Variants in ENC1 observed in about 807,000 individuals in gnomAD.
ENC1 encodes the protein ectodermal-neural cortex 1, also known as ectoderm-neural cortex protein 1.
In ENC1, 19 loss-of-function variants were observed where a neutral mutation model predicts 40.9. The observed-to-expected ratio is 0.46, with a 90% CI of 0.32 to 0.68. ENC1 has a LOEUF of 0.68. Among genes scored for constraint, ENC1 ranks in the 30% least tolerant of loss-of-function variants. The probability of loss-of-function intolerance (pLI) is 0.03; values close to 1 mark genes in which losing one functional copy is unlikely to be tolerated. For missense variants in ENC1, 479 were observed against 737.5 expected, an observed-to-expected ratio of 0.65 and a Z score of 4.06; for synonymous variants, 285 against 291.1, an observed-to-expected ratio of 0.98 and a Z score of 0.21.
Position 74,629,475 on chromosome 5 carries a change from G to A in ENC1, c.*550C>T, listed in dbSNP as rs1298153521. 1 of 152,182 alleles carries A rather than the reference G, an allele frequency of 6.6e-6. No individual in the cohort carries two copies. The highest frequency in any genetic ancestry group is 1.5e-5 in the Non-Finnish European group (1 of 68,044). 9.4% of individuals were successfully genotyped at this position (152,182 alleles called of 1,614,324 possible). ...TCCCCATTGTTCAGAAACGTTCCTG[G>A]GGAGCAGACCCCTTAGAGATTAACG... On this transcript the variant is annotated 3_prime_UTR_variant, in exon 3 of 3. Transcript: ENST00000302351.
chr5:74,634,375 G>A (rs1319781723), intron 2 of ENC1, among the ~76,000 whole-genome samples: 1 of 152,074 alleles, frequency 6.6e-6, no homozygotes, highest in Non-Finnish European at 1.5e-5. Flanking sequence ...TCATGCCACT[G>A]CACTCTAGCC....
chr5:74,628,320 A>G lies in ENC1; in HGVS notation c.*1705T>C, dbSNP rs572367653. On this transcript the variant is annotated 3_prime_UTR_variant, in exon 3 of 3. Transcript: ENST00000302351. ...ATTAGACAATGCAAACACAGTCACAATGTAAAAGGTTGTTATCAGTCTTAA... is the reference window on the plus strand; with the variant it reads ...ATTAGACAATGCAAACACAGTCACAGTGTAAAAGGTTGTTATCAGTCTTAA... The G allele has an allele frequency of 2.6e-5, 4 of 152,772 alleles. No individual in the cohort carries two copies. Among genetic ancestry groups the G allele is most frequent in the African/African-American group, 9.6e-5 (4 of 41,572 alleles). The allele number at this position is 152,772 out of a possible 1,614,324, so 9.5% of individuals were successfully genotyped here.
chr5:74,634,503 T>A (rs545980533), intron 2 of ENC1, among the ~76,000 whole-genome samples, 181 bp downstream of exon 2: 1 of 152,194 alleles, frequency 6.6e-6, no homozygotes, highest in Non-Finnish European at 1.5e-5. Flanking sequence ...AATGCCATGG[T>A]GGGGGCTGAG....
chr5:74,638,665 T>C (rs1239196705), intron 1 of ENC1, among the ~76,000 whole-genome samples: 2 of 152,224 alleles, frequency 1.3e-5, no homozygotes, highest in Non-Finnish European at 2.9e-5. Context: ...AAACATTCAT[T>C]AGCATTCTCA....
rs1437475795 is a variant in ENC1 at position 74,635,863 on chromosome 5, C to T, written c.623G>A (p.Arg208Lys). ...GTTAATTGCAGACTCGTACACAAGC[C>T]TTTCATCCTCTGTCTCCAGCTCTTC... is the stretch of plus-strand genomic sequence containing the variant. ...SSEELETEDE[R>K]LVYESAINWI... Residue 208 changes from arginine to lysine, a missense_variant, in exon 2 of 3, where the codon AGG (arginine) becomes AAG (lysine). Arg to Lys is a conservative substitution (Grantham distance 26). Coordinates refer to ENST00000302351, the MANE Select transcript of ENC1 (RefSeq NM_003633.4). The surrounding 1 kb of genome is among the most constrained non-coding windows in gnomAD (Gnocchi z 5.5). The T allele has an allele frequency of 1.2e-6, 2 of 1,614,024 alleles. No homozygotes were observed. The highest frequency in any genetic ancestry group is 8.5e-7 in the Non-Finnish European group (1 of 1,180,034).
rs774597799 is a variant in ENC1 at position 74,636,296 on chromosome 5, G to T, written c.190C>A (p.Leu64Met). The change falls in exon 2 of 3, where the codon CTG becomes ATG. Residue 64 changes from leucine (L) to methionine (M), a missense_variant. Physicochemically the swap from Leu to Met is conservative, Grantham distance 15. Transcript: ENST00000302351. The surrounding 1 kb of genome is among the most constrained non-coding windows in gnomAD (Gnocchi z 4.8). ...NRTFPCHRAV[L>M]AACSRYFEAM... is the part of the protein sequence containing the mutation. ...TCAAAGTAGCGACTGCATGCAGCCAGCACTGCCCGGTGGCAAGGGAAGGTC... is the reference window on the plus strand; with the variant it reads ...TCAAAGTAGCGACTGCATGCAGCCATCACTGCCCGGTGGCAAGGGAAGGTC... The T allele has an allele frequency of 6.2e-7, 1 of 1,614,088 alleles. No homozygotes were observed. The highest frequency in any genetic ancestry group is 1.3e-5 in the African/African-American group (1 of 74,916).
chr5:74,637,152 G>A (rs1272454286), intron 1 of ENC1, among the ~76,000 whole-genome samples: 1 of 152,174 alleles, frequency 6.6e-6, no homozygotes, highest in African/African-American at 2.4e-5. Context: ...GTCTCGCTCT[G>A]TCACCCTGGC....
intron 1 of ENC1, among the ~76,000 whole-genome samples, chr5:74,639,766 A>G (rs1013110975): frequency 6.6e-6 from 1 of 152,254 alleles, no homozygotes; most frequent in African/African-American, 2.4e-5. Context: ...CTTTGTAACT[A>G]ATAATGTTAA....
At chr5:74,630,680 A>G (rs942092930) in intron 2 of ENC1, among the ~76,000 whole-genome samples, 1 of 152,234 alleles carries the variant, frequency 6.6e-6, no homozygotes, top group African/African-American at 2.4e-5. Context: ...GAATCTACGT[A>G]CATCAAGTGT....
In ENC1 at chr5:74,636,612, C is replaced by T. The variant is rs1747605532; in HGVS notation, c.-13-114G>A. 1.6e-6 allele frequency: 1 copy of T among 643,594 alleles called. No homozygotes were observed. The highest frequency in any genetic ancestry group is 1.8e-5 in the African/African-American group (1 of 54,752). 39.9% of individuals were successfully genotyped at this position (643,594 alleles called of 1,614,324 possible). A position where few individuals can be genotyped will look rare whatever the true frequency, so the allele number is the denominator to read the frequency against. On this transcript the variant is annotated intron_variant, in intron 1 of 2. Coordinates refer to ENST00000302351, the MANE Select transcript of ENC1 (RefSeq NM_003633.4). The surrounding 1 kb of genome is among the most constrained non-coding windows in gnomAD (Gnocchi z 4.8). ...CAGAACACTTTGTTGTTGACCATGCCACCTACTATTCTAGAATAGTGTATG... is the reference window on the plus strand; with the variant it reads ...CAGAACACTTTGTTGTTGACCATGCTACCTACTATTCTAGAATAGTGTATG...
chr5:74,632,466 T>C (rs1304198299), intron 2 of ENC1, among the ~76,000 whole-genome samples: 2 of 152,214 alleles, frequency 1.3e-5, no homozygotes, highest in Non-Finnish European at 2.9e-5. Flanking sequence ...TTCCTGCTGC[T>C]TTGAAGGAGT....
rs936192170 is a variant in ENC1, at chr5:74,629,570, G to C, written c.*455C>G. ...CCTCTCGGACCCACAGTTGGGCTTT[G>C]AATCTCCAGCAGCAGCTGGTGTGGA... On this transcript the variant is annotated 3_prime_UTR_variant, in exon 3 of 3. Transcript: ENST00000302351. 6.6e-6 allele frequency: 1 copy of C among 152,290 alleles called. No individual in the cohort carries two copies. 9.4% of individuals were successfully genotyped at this position (152,290 alleles called of 1,614,324 possible). A position where few individuals can be genotyped will look rare whatever the true frequency, so the allele number is the denominator to read the frequency against.
rs1561189457 is a variant in ENC1, at chr5:74,629,192, C to G, written c.*833G>C. ...AAAATCCACCCCTCCCCAACCCACC[C>G]TCCAGTTATGCTCCAAATTGTAACT... On this transcript the variant is annotated 3_prime_UTR_variant, in exon 3 of 3. Coordinates refer to ENST00000302351, the MANE Select transcript of ENC1 (RefSeq NM_003633.4). 1 of 152,152 alleles carries G rather than the reference C, an allele frequency of 6.6e-6. No individual in the cohort carries two copies. 9.4% of individuals were successfully genotyped at this position (152,152 alleles called of 1,614,324 possible).
rs1747576151 is a variant in ENC1 at position 74,636,014 on chromosome 5, C to T, written c.472G>A (p.Ala158Thr). ...NCLGMLLLSD[A>T]HQCTKLYELS... The stretch of plus-strand genomic sequence containing the variant: ...TCGTACAGCTTGGTGCACTGGTGTG[C>T]ATCAGACAGCAGCAGCATGCCCAGG... Residue 158 changes from alanine (A) to threonine (T), a missense_variant, in exon 2 of 3, where the codon GCA (alanine) becomes ACA (threonine). By Grantham distance (58) the Ala-to-Thr change is moderately conservative. Transcript: ENST00000302351. This position sits in a 1 kb window ranked among gnomAD's most constrained non-coding sequence, Gnocchi z 4.8. 1 of 1,614,034 alleles carries T rather than the reference C, an allele frequency of 6.2e-7. No individual in the cohort carries two copies.
Position 74,636,408 on chromosome 5 carries a change from G to GGACTT in ENC1, c.73_77dup (p.Tyr28ProfsTer11). On this transcript the variant is annotated frameshift_variant, in exon 2 of 3. Coordinates refer to ENST00000302351, the MANE Select transcript of ENC1 (RefSeq NM_003633.4). LOFTEE classifies it high-confidence loss of function. This position sits in a 1 kb window ranked among gnomAD's most constrained non-coding sequence, Gnocchi z 4.8. ...GAGTGAGGACGCTGTCAGCGTAGGA[G>GGACTT]GACTTGTGAAACAGATAGATGTTAA... The GGACTT allele has an allele frequency of 6.2e-7, 1 of 1,614,102 alleles. No individual in the cohort carries two copies. Among genetic ancestry groups the GGACTT allele is most frequent in the South Asian group, 1.1e-5 (1 of 91,074 alleles).
intron 2 of ENC1, chr5:74,632,120 T>G (rs572809903): frequency 6.6e-6 from 1 of 152,346 alleles, no homozygotes; most frequent in African/African-American, 2.4e-5. Context: ...TCTTTCTGCC[T>G]CAATTTCCTT....
At position 74,627,687 on chromosome 5, in the gene ENC1, G is replaced by A. The variant is rs1205420683; in HGVS notation, c.*2338C>T. 2 of 152,602 alleles carry A rather than the reference G, an allele frequency of 1.3e-5. No individual in the cohort carries two copies. Among genetic ancestry groups the A allele is most frequent in the Non-Finnish European group, 2.9e-5 (2 of 68,032 alleles). 9.5% of individuals were successfully genotyped at this position (152,602 alleles called of 1,614,324 possible). A position where few individuals can be genotyped will look rare whatever the true frequency, so the allele number is the denominator to read the frequency against. ...TACCAGAAGTGGAGGGCTGCCCTTT[G>A]TTATGTGTTTCTACAGCAACCAGCC... On this transcript the variant is annotated 3_prime_UTR_variant, in exon 3 of 3. Coordinates refer to ENST00000302351, the MANE Select transcript of ENC1 (RefSeq NM_003633.4).
In ENC1 at chr5:74,636,922, T is replaced by C. The variant is rs566246948; in HGVS notation, c.-13-424A>G. On this transcript the variant is annotated intron_variant, in intron 1 of 2. Coordinates refer to ENST00000302351, the MANE Select transcript of ENC1 (RefSeq NM_003633.4). The surrounding 1 kb of genome is among the most constrained non-coding windows in gnomAD (Gnocchi z 4.8). ...TAAAATGCCAGGTCTCCTGCTCTTA[T>C]AATGCCAGGATGGGCACTGGCTTTC... 6.6e-6 allele frequency among the ~76,000 whole-genome samples: 1 copy of C among 152,336 alleles called. No individual in the cohort carries two copies. Among genetic ancestry groups the C allele is most frequent in the South Asian group, 2.1e-4 (1 of 4,824 alleles).
At chr5:74,632,582 G>A (rs1056548387) in intron 2 of ENC1, among the ~76,000 whole-genome samples, 2 of 152,174 alleles carry the variant, frequency 1.3e-5, no homozygotes, top group African/African-American at 2.4e-5. Context: ...GGCCAAGTGC[G>A]GTGGCTCACG....
Sources: gnomAD v4.1 joint callset for allele counts (sites outside exome capture counted in the v4.1 genomes callset) on GRCh38, gnomAD v4.1.1 for gene constraint, Gnocchi (gnomAD v3.1) non-coding constraint, MANE v1.5 for transcripts, NCBI Gene and HGNC (gene_info 2026-07-23, HGNC 2026-07-21) for gene names.